NAV2: variants seen among roughly 807,000 people sequenced by gnomAD.
The protein encoded by NAV2 is helicase, APC down-regulated 1.
NAV2 carries 54 observed loss-of-function variants against 223.2 expected under a neutral mutation model. The ratio of observed to expected loss-of-function variants is 0.24; its 90% CI spans 0.19 to 0.30. The LOEUF (loss-of-function observed/expected upper bound fraction) is 0.30, where lower values mean the gene tolerates loss of function less well. Among genes scored for constraint, NAV2 ranks in the 10% least tolerant of loss-of-function variants. The probability of loss-of-function intolerance (pLI) is 1.00; values close to 1 mark genes in which losing one functional copy is unlikely to be tolerated. For missense variants in NAV2, 2,806 were observed against 3,147.5 expected, an observed-to-expected ratio of 0.89 and a Z score of 2.60; for synonymous variants, 1,279 against 1,239.3, an observed-to-expected ratio of 1.03 and a Z score of -0.67.
At chr11:20,019,536 G>A (rs748314118) in intron 11 of NAV2, among the ~76,000 whole-genome samples, 7 of 152,120 alleles carry the variant, frequency 4.6e-5, no homozygotes, top group African/African-American at 7.2e-5. Context: ...TTGAAGCCAT[G>A]GATGAGATCA....
At chr11:19,898,024 T>A (rs1260827056) in intron 6 of NAV2, among the ~76,000 whole-genome samples, 2 of 151,832 alleles carry the variant, frequency 1.3e-5, no homozygotes, top group Non-Finnish European at 1.5e-5. Flanking sequence ...TTTAAATATT[T>A]GTGATATTAC....
intron 1 of NAV2, among the ~76,000 whole-genome samples, chr11:19,381,997 T>G (rs879205544): frequency 6.6e-6 from 1 of 152,168 alleles, no homozygotes; most frequent in Admixed American, 6.5e-5. Context: ...AGAGCTAGTC[T>G]GCAGGCTGCT....
At chr11:20,110,402 T>C (rs925763633) in intron 36 of NAV2, among the ~76,000 whole-genome samples, 1 of 152,166 alleles carries the variant, frequency 6.6e-6, no homozygotes, top group African/African-American at 2.4e-5. Flanking sequence ...TTGGTGATGT[T>C]TTTTGAGGGC....
rs1459089560 is a variant in NAV2 at position 19,713,155 on chromosome 11, C to A, written c.-541C>A. 6.6e-6 allele frequency among the ~76,000 whole-genome samples: 1 copy of A among 150,984 alleles called. No homozygotes were observed. Among genetic ancestry groups the A allele is most frequent in the Non-Finnish European group, 1.5e-5 (1 of 67,646 alleles). ...GGTGGCAGCTGCCTCTCGGTGGAGA[C>A]GTCTTGGGACCCTTGCGCCCTTCTT... On this transcript the variant is annotated 5_prime_UTR_variant, in exon 1 of 38. Coordinates refer to ENST00000349880, the MANE Select transcript of NAV2 (RefSeq NM_145117.5). This position sits in a 1 kb window ranked among gnomAD's most constrained non-coding sequence, Gnocchi z 7.2.
In NAV2 at chr11:19,691,830, A is replaced by T. The variant is rs188335168; in HGVS notation, c.76-140654A>T. ...ACCTTACGTCATTCATTTCCTGACC[A>T]CACTAGAATTATCTGGGCCAAAAGA... On this transcript the variant is annotated intron_variant, in intron 1 of 37. Transcript: ENST00000360655. 3.3e-3 allele frequency among the ~76,000 whole-genome samples: 510 copies of T among 152,356 alleles called. 4 individuals are homozygous for T. The highest frequency in any genetic ancestry group is 0.011 in the African/African-American group (464 of 41,592).
intron 1 of NAV2, among the ~76,000 whole-genome samples, chr11:19,624,490 A>T (rs537928493): frequency 2.1e-4 from 32 of 152,242 alleles, no homozygotes; most frequent in African/African-American, 7.0e-4. Context: ...ACTGCCTTGC[A>T]GTTCGATCTC....
intron 1 of NAV2, among the ~76,000 whole-genome samples, chr11:19,509,201 C>T (rs1246074154): frequency 1.3e-5 from 2 of 152,148 alleles, no homozygotes; most frequent in African/African-American, 4.8e-5. Flanking sequence ...GCGAGGCAAC[C>T]CTTAAGGTCT....
intron 11 of NAV2, chr11:20,022,502 C>T: frequency 2.1e-6 from 2 of 975,146 alleles, no homozygotes; most frequent in South Asian, 9.5e-5. Flanking sequence ...TCGTTGTTAA[C>T]TGTACAAACA....
chr11:19,438,199 C>G (rs1199949034), intron 1 of NAV2, among the ~76,000 whole-genome samples: 1 of 152,180 alleles, frequency 6.6e-6, no homozygotes, highest in Non-Finnish European at 1.5e-5. Context: ...CTTTAATGTG[C>G]ACCAAGGTAC....
At position 19,879,981 on chromosome 11, in the gene NAV2, C is replaced by T. The variant is rs149842017; in HGVS notation, c.624C>T (p.Pro208=). The T allele has an allele frequency of 3.2e-5, 52 of 1,613,616 alleles. No individual in the cohort carries two copies. Among genetic ancestry groups the T allele is most frequent in the Middle Eastern group, 1.6e-4 (1 of 6,084 alleles). The change falls in exon 5 of 38, where the codon CCC becomes CCT. Residue 208 remains proline, a synonymous_variant. Coordinates refer to ENST00000349880, the MANE Select transcript of NAV2 (RefSeq NM_145117.5). ...AGCACCTCTCCTCACCTCTGCCGCC[C>T]GCCGTATCCCAGGTGGCCGGGGCCC... is the stretch of plus-strand genomic sequence containing the variant. ...QKQHLSSPLP[P]AVSQVAGAPS...
At chr11:19,955,738 C>G (rs111884399) in intron 10 of NAV2, among the ~76,000 whole-genome samples, 1,913 of 152,278 alleles carry the variant, frequency 0.013, 48 homozygotes, top group African/African-American at 0.044. Flanking sequence ...TACCCTGAAT[C>G]AAAGGGGGTA....
rs201422123 is a variant in NAV2, at chr11:20,097,744, A to G, written c.6180A>G (p.Lys2060=). The change falls in exon 31 of 38, where the codon AAA becomes AAG. Residue 2060 remains lysine (K), a splice_region_variant and synonymous_variant. Coordinates refer to ENST00000349880, the MANE Select transcript of NAV2 (RefSeq NM_145117.5). ...ACACGACCATCTCAGTGACTGTGAAAGGTAATTGAGCTTGTTGCAGAAGTC... is the reference window on the plus strand; with the variant it reads ...ACACGACCATCTCAGTGACTGTGAAGGGTAATTGAGCTTGTTGCAGAAGTC... ...GENTTISVTV[K]GLAENSLDSL... 6 of 1,580,930 alleles carry G rather than the reference A, an allele frequency of 3.8e-6. No individual in the cohort carries two copies. In the East Asian group the frequency reaches 6.8e-5, roughly 18 times the overall value.
At chr11:19,636,331 A>G (rs1164969543) in intron 1 of NAV2, among the ~76,000 whole-genome samples, 2 of 152,228 alleles carry the variant, frequency 1.3e-5, no homozygotes, top group African/African-American at 2.4e-5. Context: ...GTAGCTGACT[A>G]TACTCAAACC....
chr11:19,452,830 T>C (rs983033960), intron 1 of NAV2, among the ~76,000 whole-genome samples: 1 of 152,208 alleles, frequency 6.6e-6, no homozygotes, highest in African/African-American at 2.4e-5. Flanking sequence ...GATCATATAA[T>C]CAAACCATTG....
At chr11:19,640,639 G>A (rs902263498) in intron 1 of NAV2, among the ~76,000 whole-genome samples, 20 of 152,130 alleles carry the variant, frequency 1.3e-4, no homozygotes, top group Middle Eastern at 3.2e-3. Flanking sequence ...TTTAGGAAAA[G>A]AGATGTGGTT....
chr11:20,065,649 T>C (rs2058997947), intron 20 of NAV2, among the ~76,000 whole-genome samples: 1 of 152,178 alleles, frequency 6.6e-6, no homozygotes, highest in South Asian at 2.1e-4. Context: ...ATGCTTTCTC[T>C]AGGCTGCTGT....
At chr11:19,770,651 T>C (rs1798409705) in intron 1 of NAV2, among the ~76,000 whole-genome samples, 1 of 152,210 alleles carries the variant, frequency 6.6e-6, no homozygotes, top group Non-Finnish European at 1.5e-5. Context: ...GTTTGTCTGC[T>C]TGAATAAGTA....
At chr11:19,508,156 T>C (rs982938752) in intron 1 of NAV2, among the ~76,000 whole-genome samples, 4 of 152,160 alleles carry the variant, frequency 2.6e-5, no homozygotes, top group Non-Finnish European at 5.9e-5. Flanking sequence ...GGCTGCTCTG[T>C]GGACCAGCCT....
intron 4 of NAV2, among the ~76,000 whole-genome samples, chr11:19,874,196 A>G (rs2062704951): frequency 6.6e-6 from 1 of 152,240 alleles, no homozygotes; most frequent in African/African-American, 2.4e-5. Flanking sequence ...CACAGCATCT[A>G]TGCAGATTAG....
Sources: gnomAD v4.1 joint callset for allele counts (sites outside exome capture counted in the v4.1 genomes callset) on GRCh38, gnomAD v4.1.1 for gene constraint, Gnocchi (gnomAD v3.1) non-coding constraint, MANE v1.5 for transcripts, NCBI Gene and HGNC (gene_info 2026-07-23, HGNC 2026-07-21) for gene names.